The following CASQ2 variants were observed in gnomAD, a reference collection of about 807,000 sequenced individuals.
CASQ2 encodes calsequestrin-2.
CASQ2 carries 49 observed loss-of-function variants against 46.5 expected under a neutral mutation model. The observed-to-expected ratio is 1.05, with a 90% CI of 0.84 to 1.34. CASQ2 has a LOEUF of 1.34. Ranked by LOEUF, CASQ2 falls within the 40% of genes most tolerant of loss-of-function variation. The probability of loss-of-function intolerance (pLI) is 0.00; values close to 1 mark genes in which losing one functional copy is unlikely to be tolerated. For synonymous variants in CASQ2, 174 were observed against 168.5 expected (o/e 1.03, Z -0.25); for missense variants, 486 against 481.3 (o/e 1.01, Z -0.09).
At chr1:115,717,710 AC>A (rs1446084833) in intron 8 of CASQ2, 129 bp downstream of exon 8, 2 of 786,674 alleles carry the variant, frequency 2.5e-6, no homozygotes, top group Non-Finnish European at 4.6e-6. Context: ...ATGGGCGACC[AC>A]CAGGGGGTGC....
At chr1:115,712,869 G>A (rs61401085) in intron 8 of CASQ2, among the ~76,000 whole-genome samples, 5,235 of 140,620 alleles carry the variant, frequency 0.037, 291 homozygotes, top group African/African-American at 0.11. Context: ...AAAAAAAAAA[G>A]AAAGAAAGAA....
intron 8 of CASQ2, among the ~76,000 whole-genome samples, chr1:115,710,856 C>T (rs1235743511): frequency 2.0e-5 from 3 of 152,184 alleles, no homozygotes; most frequent in Non-Finnish European, 2.9e-5. Context: ...AGGTTTCCCA[C>T]GGCAAGCGAC....
chr1:115,737,325 C>T (rs1647998948), intron 4 of CASQ2, among the ~76,000 whole-genome samples: 1 of 152,090 alleles, frequency 6.6e-6, no homozygotes, highest in African/African-American at 2.4e-5. Context: ...GATGAGGTGA[C>T]TAAGGATGCT....
At chr1:115,724,764 T>C (rs1553194076) in intron 7 of CASQ2, among the ~76,000 whole-genome samples, 1 of 152,174 alleles carries the variant, frequency 6.6e-6, no homozygotes, top group Non-Finnish European at 1.5e-5. Context: ...TTCATCCTTA[T>C]AAAAAGTCCC....
chr1:115,760,747 T>A (rs1648908958), intron 1 of CASQ2, among the ~76,000 whole-genome samples: 1 of 152,156 alleles, frequency 6.6e-6, no homozygotes, highest in South Asian at 2.1e-4. Context: ...CTTATGTGGT[T>A]CTAATATGTG....
chr1:115,742,973 A>G (rs1220110615), intron 2 of CASQ2, among the ~76,000 whole-genome samples: 1 of 151,866 alleles, frequency 6.6e-6, no homozygotes. Flanking sequence ...TATTTTTAGT[A>G]GAGACGGGGT....
intron 9 of CASQ2, among the ~76,000 whole-genome samples, chr1:115,703,595 A>C (rs1357197791): frequency 6.6e-6 from 1 of 152,162 alleles, no homozygotes; most frequent in African/African-American, 2.4e-5. Context: ...AATAGTCTGA[A>C]GATTTCTTCT....
chr1:115,763,504 A>G (rs1417922401), intron 1 of CASQ2, among the ~76,000 whole-genome samples: 2 of 152,300 alleles, frequency 1.3e-5, no homozygotes, highest in South Asian at 2.1e-4. Context: ...TCCAGTACCC[A>G]GCTCCCAAGG....
intron 4 of CASQ2, 137 bp from the exon 5 acceptor site, chr1:115,733,111 A>T: frequency 5.0e-6 from 3 of 599,356 alleles, no homozygotes; most frequent in Non-Finnish European, 8.8e-6. Context: ...GTTTACATAG[A>T]TGTTATTTAA....
At chr1:115,732,814 TA>T in intron 5 of CASQ2, 86 bp downstream of exon 5, 1 of 937,614 alleles carries the variant, frequency 1.1e-6, no homozygotes, top group Non-Finnish European at 1.8e-6. Flanking sequence ...TTAATGTTGC[TA>T]AAAGAAAAGA....
At chr1:115,735,726 A>G (rs1647932859) in intron 4 of CASQ2, among the ~76,000 whole-genome samples, 1 of 152,224 alleles carries the variant, frequency 6.6e-6, no homozygotes, top group South Asian at 2.1e-4. Flanking sequence ...CATTCAAATT[A>G]TTATAAGGAA....
intron 1 of CASQ2, among the ~76,000 whole-genome samples, chr1:115,758,398 T>C (rs6659025): frequency 0.33 from 50,654 of 152,144 alleles, 8,659 homozygotes; most frequent in East Asian, 0.54. Context: ...TGACAAATGC[T>C]GTTGAATACC....
intron 2 of CASQ2, among the ~76,000 whole-genome samples, chr1:115,741,717 C>T (rs1246355224): frequency 6.6e-6 from 1 of 152,192 alleles, no homozygotes; most frequent in Non-Finnish European, 1.5e-5. Context: ...TATTTTGCTG[C>T]CCTTTAGCAC....
intron 1 of CASQ2, among the ~76,000 whole-genome samples, chr1:115,757,058 G>A (rs987983028): frequency 1.3e-5 from 2 of 152,206 alleles, no homozygotes; most frequent in Non-Finnish European, 1.5e-5. Flanking sequence ...CGGGGGCTTT[G>A]GAGATAGGAG....
In CASQ2 at chr1:115,701,022, A is replaced by T. The variant is rs1368861994; in HGVS notation, c.*219T>A. 2 of 674,028 alleles carry T rather than the reference A, an allele frequency of 3.0e-6. No individual in the cohort carries two copies. Among genetic ancestry groups the T allele is most frequent in the Non-Finnish European group, 2.6e-6 (1 of 379,580 alleles). The allele number at this position is 674,028 out of a possible 1,614,324, so 41.8% of individuals were successfully genotyped here. On this transcript the variant is annotated 3_prime_UTR_variant, in exon 11 of 11. Transcript: ENST00000261448. ...TGACAGTCAAGACAGTCAACATGGG[A>T]ATAATTTTTCTCCTGTCCCTGCTAA...
intron 1 of CASQ2, among the ~76,000 whole-genome samples, chr1:115,760,701 G>C (rs1397124758): frequency 6.6e-6 from 1 of 152,114 alleles, no homozygotes; most frequent in African/African-American, 2.4e-5. Context: ...AGCACCTGTG[G>C]GGATAAGACC....
At chr1:115,731,834 C>G (rs962473817) in intron 5 of CASQ2, among the ~76,000 whole-genome samples, 1 of 152,218 alleles carries the variant, frequency 6.6e-6, no homozygotes, top group Non-Finnish European at 1.5e-5. Context: ...TCCATGTTAA[C>G]TTCTTAGCAC....
intron 8 of CASQ2, among the ~76,000 whole-genome samples, chr1:115,711,298 TA>T (rs1295216457): frequency 2.0e-5 from 3 of 152,066 alleles, no homozygotes; most frequent in African/African-American, 7.2e-5. Flanking sequence ...GGTGGACAGA[TA>T]AACGGCCGGG....
intron 8 of CASQ2, among the ~76,000 whole-genome samples, chr1:115,708,210 G>C (rs1021591736): frequency 1.3e-5 from 2 of 152,154 alleles, no homozygotes; most frequent in African/African-American, 4.8e-5. Flanking sequence ...CCATTTTCAA[G>C]AAAATAAAAG....
Sources: gnomAD v4.1 joint callset for allele counts (sites outside exome capture counted in the v4.1 genomes callset) on GRCh38, gnomAD v4.1.1 for gene constraint, MANE v1.5 for transcripts, NCBI Gene and HGNC (gene_info 2026-07-23, HGNC 2026-07-21) for gene names.